The following ITCH variants were observed in gnomAD, a reference collection of about 807,000 sequenced individuals.
The protein encoded by ITCH is E3 ubiquitin-protein ligase Itchy homolog.
Under a neutral mutation model 126.8 loss-of-function variants are expected in ITCH, and 28 were observed. That is an observed-to-expected ratio of 0.22 (90% CI 0.16 to 0.30). The LOEUF (loss-of-function observed/expected upper bound fraction) is 0.30. ITCH is among the 10% of genes least tolerant of loss of function. The probability of loss-of-function intolerance (pLI) is 1.00; values close to 1 mark genes in which losing one functional copy is unlikely to be tolerated. For missense variants in ITCH, 631 were observed against 1,032.4 expected, an observed-to-expected ratio of 0.61 and a Z score of 5.33; for synonymous variants, 342 against 340.0, an observed-to-expected ratio of 1.01 and a Z score of -0.06.
At chr20:34,464,314 C>CT (rs1318772821) in intron 14 of ITCH, among the ~76,000 whole-genome samples, 2 of 136,904 alleles carry the variant, frequency 1.5e-5, no homozygotes, top group Non-Finnish European at 3.2e-5. Context: ...TTTTTTCTTT[C>CT]TTTCTTTCTT....
At chr20:34,437,762 C>G (rs10485505) in intron 7 of ITCH, among the ~76,000 whole-genome samples, 2 of 152,162 alleles carry the variant, frequency 1.3e-5, no homozygotes, top group Non-Finnish European at 2.9e-5. Context: ...TGTTTCTAAT[C>G]TATGACTAGA....
chr20:34,384,658 C>CTTTTTTTTTTT (rs5841172), intron 2 of ITCH, among the ~76,000 whole-genome samples: 1 of 71,112 alleles, frequency 1.4e-5, no homozygotes, highest in African/African-American at 5.8e-5. Context: ...ATATTAGGGT[C>CTTTTTTTTTTT]TTTTTTTTTT....
rs1978371392 is a variant in ITCH, at chr20:34,508,293, C to G, written c.*499C>G. ...TGTTCTCCCTCTCATTTTAGTCTGACTTGACTATTGTTTTTCCTTTCTGGC... is the reference window on the plus strand; with the variant it reads ...TGTTCTCCCTCTCATTTTAGTCTGAGTTGACTATTGTTTTTCCTTTCTGGC... On this transcript the variant is annotated 3_prime_UTR_variant, in exon 25 of 25. Transcript: ENST00000374864. The G allele has an allele frequency of 5.7e-6, 1 of 174,126 alleles. No individual in the cohort carries two copies. Among genetic ancestry groups the G allele is most frequent in the Non-Finnish European group, 1.3e-5 (1 of 79,818 alleles). 10.8% of individuals were successfully genotyped at this position (174,126 alleles called of 1,614,324 possible).
At chr20:34,499,272 C>CTTTTTTTTTTTTTTTTTTTT (rs386393666) in intron 23 of ITCH, among the ~76,000 whole-genome samples, 2 of 23,010 alleles carry the variant, frequency 8.7e-5, no homozygotes, top group African/African-American at 3.2e-4. Flanking sequence ...CTGTGCCCAG[C>CTTTTTTTTTTTTTTTTTTTT]TTTTTTTTTT....
intron 5 of ITCH, 97 bp downstream of exon 5, chr20:34,412,736 A>G: frequency 9.5e-7 from 1 of 1,055,588 alleles, no homozygotes; most frequent in South Asian, 1.3e-5. Flanking sequence ...GTTCTCTCAT[A>G]CTTTTAAGTT....
intron 16 of ITCH, among the ~76,000 whole-genome samples, chr20:34,473,046 G>A (rs1450354349): frequency 6.6e-6 from 1 of 152,098 alleles, no homozygotes; most frequent in African/African-American, 2.4e-5. Context: ...TGACTAGATG[G>A]TTCTAAAACA....
chr20:34,392,633 G>A (rs2038527232), intron 2 of ITCH, among the ~76,000 whole-genome samples: 1 of 152,194 alleles, frequency 6.6e-6, no homozygotes, highest in Admixed American at 6.5e-5. Context: ...TTGCCTTATT[G>A]TATTTGTGTA....
At chr20:34,379,069 CCTG>C (rs1471834781) in intron 2 of ITCH, among the ~76,000 whole-genome samples, 1 of 152,026 alleles carries the variant, frequency 6.6e-6, no homozygotes, top group Admixed American at 6.6e-5. Flanking sequence ...TGTGCAGAAC[CCTG>C]CTGCTGCTGT....
At position 34,510,239 on chromosome 20, in the gene ITCH, G is replaced by C. The variant is rs989194021; in HGVS notation, c.*2445G>C. The C allele has an allele frequency of 6.6e-6, 1 of 152,524 alleles. No individual in the cohort carries two copies. Among genetic ancestry groups the C allele is most frequent in the Non-Finnish European group, 1.5e-5 (1 of 68,024 alleles). The allele number at this position is 152,524 out of a possible 1,614,324, so 9.4% of individuals were successfully genotyped here. A position where few individuals can be genotyped will look rare whatever the true frequency, so the allele number is the denominator to read the frequency against. ...GGAAAATGGGGGCTGGATATCCCAA[G>C]AATCAGAGGTTATATAAAAATACTG... On this transcript the variant is annotated 3_prime_UTR_variant, in exon 25 of 25. Transcript: ENST00000374864.
intron 23 of ITCH, among the ~76,000 whole-genome samples, chr20:34,501,825 A>G (rs761028735): frequency 6.6e-6 from 1 of 151,806 alleles, no homozygotes; most frequent in Non-Finnish European, 1.5e-5. Context: ...AAAAGAACAG[A>G]TGAGAAAGAT....
intron 7 of ITCH, among the ~76,000 whole-genome samples, chr20:34,430,649 T>C (rs1345071964): frequency 6.6e-6 from 1 of 152,110 alleles, no homozygotes; most frequent in African/African-American, 2.4e-5. Flanking sequence ...ATTTTTTGTA[T>C]TTTTAGTAGA....
At chr20:34,476,922 T>C (rs2146452687) in intron 16 of ITCH, 1 of 152,378 alleles carries the variant, frequency 6.6e-6, no homozygotes, top group Non-Finnish European at 1.5e-5. Flanking sequence ...TGATTGTAGC[T>C]CAGTAATGTA....
intron 4 of ITCH, among the ~76,000 whole-genome samples, chr20:34,410,340 G>C (rs549661521): frequency 2.1e-4 from 32 of 150,838 alleles, no homozygotes; most frequent in Admixed American, 4.0e-4. Flanking sequence ...GTGCCATTGC[G>C]TTCCAGCCAG....
At chr20:34,446,032 A>G (rs531834729) in intron 11 of ITCH, among the ~76,000 whole-genome samples, 3 of 152,312 alleles carry the variant, frequency 2.0e-5, no homozygotes, top group East Asian at 3.9e-4. Flanking sequence ...TAAATTTTAC[A>G]TATTTTCCTG....
intron 20 of ITCH, among the ~76,000 whole-genome samples, chr20:34,485,226 G>T (rs1989021913): frequency 6.6e-6 from 1 of 152,074 alleles, no homozygotes; most frequent in Non-Finnish European, 1.5e-5. Flanking sequence ...TTCTCAGTCT[G>T]GGGCTTTTAT....
intron 23 of ITCH, among the ~76,000 whole-genome samples, chr20:34,495,900 C>T (rs1201854512): frequency 1.4e-5 from 2 of 142,740 alleles, no homozygotes; most frequent in South Asian, 2.2e-4. Context: ...CATAGTGAAA[C>T]CCTGTCTCTA....
At chr20:34,376,457 T>TA (rs1449652552) in intron 2 of ITCH, among the ~76,000 whole-genome samples, 3 of 104,038 alleles carry the variant, frequency 2.9e-5, no homozygotes, top group Non-Finnish European at 5.9e-5. Flanking sequence ...CAAAAATAAA[T>TA]ACATAAATAA....
At chr20:34,376,312 A>G (rs141453097) in intron 2 of ITCH, among the ~76,000 whole-genome samples, 20 of 152,062 alleles carry the variant, frequency 1.3e-4, no homozygotes, top group Middle Eastern at 3.4e-3. Flanking sequence ...GTGTGCGCCT[A>G]TTGTCCCAGC....
chr20:34,459,230 G>A (rs1321594752), intron 13 of ITCH, among the ~76,000 whole-genome samples: 1 of 152,184 alleles, frequency 6.6e-6, no homozygotes, highest in Non-Finnish European at 1.5e-5. Flanking sequence ...ATCAGCAGAA[G>A]GAATAGGTGC....
Sources: gnomAD v4.1 joint callset for allele counts (sites outside exome capture counted in the v4.1 genomes callset) on GRCh38, gnomAD v4.1.1 for gene constraint, MANE v1.5 for transcripts, NCBI Gene and HGNC (gene_info 2026-07-23, HGNC 2026-07-21) for gene names.